DCAF1: variants seen among roughly 807,000 people sequenced by gnomAD.
DCAF1 encodes the protein DDB1 and CUL4 associated factor 1, also known as DDB1- and CUL4-associated factor 1.
Under a neutral mutation model 128.0 loss-of-function variants are expected in DCAF1, and 15 were observed. That is an observed-to-expected ratio of 0.12 (90% CI 0.08 to 0.18). The LOEUF (loss-of-function observed/expected upper bound fraction) is 0.18, where lower values mean the gene tolerates loss of function less well. DCAF1 is among the 10% of genes least tolerant of loss of function. The pLI, the probability that DCAF1 is intolerant of heterozygous loss-of-function variation, is 1.00. For synonymous variants in DCAF1, 610 were observed against 603.0 expected (o/e 1.01, Z -0.17); for missense variants, 988 against 1,649.5 (o/e 0.60, Z 6.95).
intron 6 of DCAF1, among the ~76,000 whole-genome samples, chr3:51,444,800 C>T (rs576931503): frequency 1.3e-5 from 2 of 151,844 alleles, no homozygotes; most frequent in Middle Eastern, 3.4e-3. Context: ...CTTAGCCTCC[C>T]GAGTAGCTGG....
chr3:51,399,170 T>TG (rs2089457086), intron 24 of DCAF1, among the ~76,000 whole-genome samples: 1 of 152,218 alleles, frequency 6.6e-6, no homozygotes, highest in African/African-American at 2.4e-5. Context: ...ACGGGAGCAG[T>TG]GAGTAAGCCT....
At chr3:51,431,411 T>G (rs1354645001) in intron 10 of DCAF1, among the ~76,000 whole-genome samples, 1 of 148,906 alleles carries the variant, frequency 6.7e-6, no homozygotes, top group African/African-American at 2.5e-5. Flanking sequence ...TCCCAGCTAT[T>G]CAGGAGGCTG....
At chr3:51,411,893 T>TGAGGTCAGGAGGTTCGAGACCAGCCTGG (rs1553628509) in intron 23 of DCAF1, among the ~76,000 whole-genome samples, 5 of 151,868 alleles carry the variant, frequency 3.3e-5, no homozygotes, top group Non-Finnish European at 7.4e-5. Flanking sequence ...GCAGATCATC[T>TGAGGTCAGGAGGTTCGAGACCAGCCTGG]GAGGTCAGGA....
chr3:51,458,130 A>G (rs1388689899), intron 6 of DCAF1, among the ~76,000 whole-genome samples: 1 of 152,208 alleles, frequency 6.6e-6, no homozygotes. Context: ...AATTGGATAA[A>G]GAGTCAAGAC....
chr3:51,487,379 A>G (rs1418105563), intron 2 of DCAF1, among the ~76,000 whole-genome samples: 1 of 152,196 alleles, frequency 6.6e-6, no homozygotes, highest in African/African-American at 2.4e-5. Flanking sequence ...TCATGTTACC[A>G]TATTATAGTG....
At chr3:51,437,380 A>AACC (rs2107639259) in intron 9 of DCAF1, 2 of 362,860 alleles carry the variant, frequency 5.5e-6, no homozygotes, top group Non-Finnish European at 1.1e-5. Flanking sequence ...CAAGTAAGAT[A>AACC]AGCAAGATCC....
chr3:51,399,562 G>A (rs1468773517), intron 24 of DCAF1, among the ~76,000 whole-genome samples: 2 of 152,076 alleles, frequency 1.3e-5, no homozygotes, highest in African/African-American at 2.4e-5. Context: ...GGCAGCACAC[G>A]GACACATTAA....
Position 51,472,379 on chromosome 3 carries a change from GTTT to G in DCAF1, c.111-1377_111-1375del, listed in dbSNP as rs199947806. Among the ~76,000 whole-genome samples the G allele has an allele frequency of 6.2e-3, 946 of 151,864 alleles. 33 individuals carry two copies. Among genetic ancestry groups the G allele is most frequent in the Admixed American group, 0.046 (694 of 15,210 alleles). On this transcript the variant is annotated intron_variant, in intron 3 of 24. Coordinates refer to ENST00000684031, the MANE Select transcript of DCAF1 (RefSeq NM_001387579.1). ...GTGAGTTCTGCCTGATCCAGAATTT[GTTT>G]TTTTTCTTGTAGAGATGGGGTCTTG...
At chr3:51,456,463 C>T (rs1424377718) in intron 6 of DCAF1, among the ~76,000 whole-genome samples, 2 of 152,172 alleles carry the variant, frequency 1.3e-5, no homozygotes, top group African/African-American at 4.8e-5. Flanking sequence ...GCCTGCCTGC[C>T]TCTGTAGGCT....
chr3:51,496,425 GTCA>G (rs2108590859), intron 2 of DCAF1, among the ~76,000 whole-genome samples: 1 of 152,118 alleles, frequency 6.6e-6, no homozygotes, highest in Non-Finnish European at 1.5e-5. Context: ...AAAGAAAACA[GTCA>G]TCTTCACCTT....
At chr3:51,496,408 C>G (rs1708242889) in intron 2 of DCAF1, among the ~76,000 whole-genome samples, 1 of 152,076 alleles carries the variant, frequency 6.6e-6, no homozygotes. Flanking sequence ...GCTTGCACAA[C>G]AAGAGCAAAG....
chr3:51,458,351 C>G (rs1553643508), intron 6 of DCAF1, among the ~76,000 whole-genome samples: 1 of 152,150 alleles, frequency 6.6e-6, no homozygotes, highest in Non-Finnish European at 1.5e-5. Flanking sequence ...ATCAATTCAA[C>G]AAGAAGAGCT....
intron 2 of DCAF1, among the ~76,000 whole-genome samples, chr3:51,484,859 A>C (rs1553654622): frequency 7.2e-6 from 1 of 138,848 alleles, no homozygotes; most frequent in East Asian, 2.2e-4. Context: ...ATTTTTGTAC[A>C]TTTAGTAGAG....
At position 51,420,693 on chromosome 3, in the gene DCAF1, G is replaced by A. The variant is rs906773736; in HGVS notation, c.2277C>T (p.Cys759=). Residue 759 remains cysteine (C), a synonymous_variant, in exon 15 of 25, where the codon TGC becomes TGT. Coordinates refer to ENST00000684031, the MANE Select transcript of DCAF1 (RefSeq NM_001387579.1). This position sits in a 1 kb window ranked among gnomAD's most constrained non-coding sequence, Gnocchi z 6.5. ...TDADQIRALA[C]KALVGLSRSS... ...TGCGAGACAGGCCCACTAGGGCTTT[G>A]CAGGCCAGGGCCCGGATTTGGTCTG... is the stretch of plus-strand genomic sequence containing the variant. 4 of 1,613,950 alleles carry A rather than the reference G, an allele frequency of 2.5e-6. No homozygotes were observed. Among genetic ancestry groups the A allele is most frequent in the African/African-American group, 1.3e-5 (1 of 74,938 alleles).
intron 3 of DCAF1, among the ~76,000 whole-genome samples, chr3:51,481,064 C>A (rs1256158464): frequency 6.6e-6 from 1 of 152,062 alleles, no homozygotes; most frequent in Non-Finnish European, 1.5e-5. Flanking sequence ...GTCACTGGAA[C>A]GTGGGAATCC....
At chr3:51,469,502 T>C (rs1704504914) in intron 4 of DCAF1, among the ~76,000 whole-genome samples, 1 of 151,868 alleles carries the variant, frequency 6.6e-6, no homozygotes, top group South Asian at 2.1e-4. Context: ...AGTGCTGAGA[T>C]TACAGGCGTG....
At chr3:51,403,960 C>T (rs1178972224) in intron 23 of DCAF1, among the ~76,000 whole-genome samples, 2 of 152,130 alleles carry the variant, frequency 1.3e-5, no homozygotes, top group Non-Finnish European at 2.9e-5. Flanking sequence ...TAACAGAAAC[C>T]CATATTTCCT....
At chr3:51,502,612 G>A (rs1215105827), upstream of DCAF1, among the ~76,000 whole-genome samples, 1 of 151,864 alleles carries the variant, frequency 6.6e-6, no homozygotes, top group African/African-American at 2.4e-5. Flanking sequence ...GGGGCCCTGG[G>A]TTGGTGATGG....
intron 13 of DCAF1, among the ~76,000 whole-genome samples, chr3:51,425,199 C>T (rs1320903045): frequency 6.6e-6 from 1 of 151,942 alleles, no homozygotes; most frequent in Non-Finnish European, 1.5e-5. Context: ...CAGGCCGGAC[C>T]GTGTTTCATG....
Sources: allele counts gnomAD v4.1 joint callset (sites outside exome capture counted in the v4.1 genomes callset), GRCh38; gene constraint gnomAD v4.1.1; non-coding constraint Gnocchi (gnomAD v3.1); transcripts MANE v1.5; gene names NCBI Gene and HGNC (gene_info 2026-07-23, HGNC 2026-07-21).